Variants in KMT2B observed in about 807,000 individuals in gnomAD.
KMT2B encodes the protein histone-lysine N-methyltransferase 2B.
Under a neutral mutation model 255.3 loss-of-function variants are expected in KMT2B, and 22 were observed. The observed-to-expected ratio is 0.09, with a 90% confidence interval of 0.06 to 0.12. The LOEUF (loss-of-function observed/expected upper bound fraction) is 0.12, where lower values mean the gene tolerates loss of function less well. KMT2B is among the 10% of genes least tolerant of loss of function. The pLI, the probability that KMT2B is intolerant of heterozygous loss-of-function variation, is 1.00. For missense variants in KMT2B, 3,149 were observed against 3,737.0 expected (o/e 0.84, Z 4.10); for synonymous variants, 1,730 against 1,498.1 (o/e 1.15, Z -3.57).
In KMT2B at chr19:35,738,350, C is replaced by T. The variant is rs1474911833; in HGVS notation, c.7941C>T (p.Ala2647=). Residue 2647 remains alanine, a synonymous_variant, in exon 37 of 37, where the codon GCC becomes GCT. Transcript: ENST00000420124. The surrounding 1 kb of genome is among the most constrained non-coding windows in gnomAD (Gnocchi z 8.7). ...TGGACGCCACGATGCATGGCAATGC[C>T]GCCCGCTTCATCAACCACTCCTGTG... ...DVVDATMHGN[A]ARFINHSCEP... is the part of the protein sequence containing the mutation. The T allele has an allele frequency of 1.5e-5, 25 of 1,613,850 alleles. No individual in the cohort carries two copies. The Admixed American group carries it at 2.0e-4, about 13-fold the overall frequency.
In KMT2B at chr19:35,720,844, C is replaced by T; in HGVS notation, c.1497C>T (p.Pro499=). The change falls in exon 3 of 37, where the codon CCC becomes CCT. Residue 499 remains proline (P), a synonymous_variant. Coordinates refer to ENST00000420124, the MANE Select transcript of KMT2B (RefSeq NM_014727.3). ...GCACCTCTCCTCCCACTCCAACCCC[C>T]AGCACCGCCACGGGAGGCCCTCCGG... is the stretch of plus-strand genomic sequence containing the variant. The part of the protein sequence containing the change: ...PEGTSPPTPT[P]STATGGPPED... The T allele has an allele frequency of 1.3e-6, 2 of 1,563,856 alleles. No homozygotes were observed. The highest frequency in any genetic ancestry group is 1.2e-5 in the South Asian group (1 of 84,144).
Position 35,725,855 on chromosome 19 carries a change from A to G in KMT2B, c.3885+37A>G, listed in dbSNP as rs773604085. The G allele has an allele frequency of 4.6e-6, 7 of 1,509,564 alleles. No homozygotes were observed. The East Asian group carries it at 1.7e-4, about 37-fold the overall frequency. The allele number at this position is 1,509,564 out of a possible 1,614,324, so 93.5% of individuals were successfully genotyped here. On this transcript the variant is annotated intron_variant, in intron 13 of 36. Transcript: ENST00000420124. This position sits in a 1 kb window ranked among gnomAD's most constrained non-coding sequence, Gnocchi z 4.1. Reference sequence around the variant, plus strand: ...GGTTCACCCACTTGCTTTGTCTCTAATGAATATCACCACCACCCCCAAACT... The same window carrying G: ...GGTTCACCCACTTGCTTTGTCTCTAGTGAATATCACCACCACCCCCAAACT...
chr19:35,729,634 TACA>T (rs2146460707), intron 22 of KMT2B, among the ~76,000 whole-genome samples: 1 of 152,120 alleles, frequency 6.6e-6, no homozygotes, highest in East Asian at 1.9e-4. Context: ...CTGGGCCAGG[TACA>T]GAGAGACCTC....
Position 35,728,879 on chromosome 19 carries a change from T to C in KMT2B, c.4677T>C (p.Asp1559=), listed in dbSNP as rs1418548257. 1 of 1,613,632 alleles carries C rather than the reference T, an allele frequency of 6.2e-7. No individual in the cohort carries two copies. Among genetic ancestry groups the C allele is most frequent in the East Asian group, 2.2e-5 (1 of 44,886 alleles). The change falls in exon 20 of 37, where the codon GAT becomes GAC. Residue 1559 remains aspartate (D), a synonymous_variant. Transcript: ENST00000420124. ...ETPESGQPPG[D]PSAAFQGKDP... ...CAGAATCAGGGCAGCCTCCAGGGGA[T>C]CCCTCAGCAGGTACTGGGAAGTGGG...
Position 35,733,228 on chromosome 19 carries a change from A to G in KMT2B, c.6679A>G (p.Thr2227Ala). Reference protein sequence around the residue: ...QPPLPPTISPTAPTSWTLPPG... With the variant: ...QPPLPPTISPAAPTSWTLPPG... ...ACCTTTGCCCCCCACCATTTCCCCC[A>G]CGGCTCCCACCTCCTGGACTCTGCC... is the stretch of plus-strand genomic sequence containing the variant. The change falls in exon 28 of 37, where the codon ACG becomes GCG. Residue 2227 changes from threonine (T) to alanine (A), a missense_variant. Physicochemically the swap from Thr to Ala is moderately conservative, Grantham distance 58. Coordinates refer to ENST00000420124, the MANE Select transcript of KMT2B (RefSeq NM_014727.3). This position sits in a 1 kb window ranked among gnomAD's most constrained non-coding sequence, Gnocchi z 4.3. The G allele has an allele frequency of 1.7e-6, 2 of 1,205,660 alleles. No homozygotes were observed. The highest frequency in any genetic ancestry group is 2.2e-6 in the Non-Finnish European group (2 of 926,504). The allele number at this position is 1,205,660 out of a possible 1,614,324, so 74.7% of individuals were successfully genotyped here. A position where few individuals can be genotyped will look rare whatever the true frequency, so the allele number is the denominator to read the frequency against.
rs764904668 is a variant in KMT2B, at chr19:35,732,992, C to G, written c.6443C>G (p.Pro2148Arg). The change falls in exon 28 of 37, where the codon CCC becomes CGC. Residue 2148 changes from proline (P) to arginine (R), a missense_variant. Transcript: ENST00000420124. The stretch of plus-strand genomic sequence containing the variant: ...CCTCCCCTGGCTAATGGCAGCCAGC[C>G]CTCCCAAGGCCTGACCGCCAGCCCA... ...PAPPLANGSQ[P>R]SQGLTASPAD... 18 of 1,599,320 alleles carry G rather than the reference C, an allele frequency of 1.1e-5. No individual in the cohort carries two copies. In the Admixed American group the frequency reaches 3.1e-4, roughly 27 times the overall value.
rs921345789 is a variant in KMT2B, at chr19:35,728,002, A to T, written c.4497+17A>T. On this transcript the variant is annotated intron_variant, in intron 18 of 36. Transcript: ENST00000420124. ...CTGCTGAAGGTGAGCTCTTCCGGGGATGCTTGTGGGGTGGGGGAGTGGGAC... is the reference window on the plus strand; with the variant it reads ...CTGCTGAAGGTGAGCTCTTCCGGGGTTGCTTGTGGGGTGGGGGAGTGGGAC... The T allele has an allele frequency of 3.9e-6, 6 of 1,550,690 alleles. No homozygotes were observed. In the Admixed American group the frequency reaches 1.2e-4, roughly 30 times the overall value.
At position 35,732,057 on chromosome 19, in the gene KMT2B, G is replaced by A; in HGVS notation, c.5587G>A (p.Ala1863Thr). The change falls in exon 27 of 37, where the codon GCT (alanine) becomes ACT (threonine). Residue 1863 changes from alanine to threonine, a missense_variant. Physicochemically the swap from Ala to Thr is moderately conservative, Grantham distance 58 (BLOSUM62 0). Around this residue, in one of 18 missense-constraint regions of KMT2B, gnomAD observed 897 missense variants for 825.3 expected, o/e 1.09. Transcript: ENST00000420124. Reference sequence around the variant, plus strand: ...TCCAGCCCCCCGTTCTTTTTCGGGGGCTCGAATCAAAGTGCCCAACTACTC... The same window carrying A: ...TCCAGCCCCCCGTTCTTTTTCGGGGACTCGAATCAAAGTGCCCAACTACTC... ...PPPAPRSFSG[A>T]RIKVPNYSPS... 2 of 1,611,504 alleles carry A rather than the reference G, an allele frequency of 1.2e-6. No individual in the cohort carries two copies. The highest frequency in any genetic ancestry group is 1.7e-6 in the Non-Finnish European group (2 of 1,178,942).
In KMT2B at chr19:35,728,827, A is replaced by G. The variant is rs1194036427; in HGVS notation, c.4625A>G (p.Gln1542Arg). 1 of 1,613,926 alleles carries G rather than the reference A, an allele frequency of 6.2e-7. No homozygotes were observed. ...CCATCCCTGGATCATGTCTATGCGC[A>G]GTGGAGACAGCAGGAACCAGAGACC... The part of the protein sequence containing the change: ...LPPSLDHVYA[Q>R]WRQQEPETPE... The change falls in exon 20 of 37, where the codon CAG becomes CGG. Residue 1542 changes from glutamine to arginine, a missense_variant. This residue lies in a region of KMT2B where 377 missense variants were observed against 471.0 expected (regional missense o/e 0.80). Transcript: ENST00000420124.
rs1263934398 is a variant in KMT2B at position 35,721,487 on chromosome 19, C to G, written c.2140C>G (p.Pro714Ala). The change falls in exon 3 of 37, where the codon CCT becomes GCT. Residue 714 changes from proline (P) to alanine (A), a missense_variant. Physicochemically the swap from Pro to Ala is conservative, Grantham distance 27 (BLOSUM62 -1). This residue lies in a region of KMT2B where 1,188 missense variants were observed against 1,106.4 expected (regional missense o/e 1.07). Transcript: ENST00000420124. ...TCGATTCGCCCCTGTGGTCACCACTCCTGTTAAGGCCGAGGTGTCCCCTCA... is the reference window on the plus strand; with the variant it reads ...TCGATTCGCCCCTGTGGTCACCACTGCTGTTAAGGCCGAGGTGTCCCCTCA... ...LPRFAPVVTTPVKAEVSPHGA... is the reference protein window; with the variant it reads ...LPRFAPVVTTAVKAEVSPHGA... The G allele has an allele frequency of 6.2e-7, 1 of 1,612,624 alleles. No individual in the cohort carries two copies.
rs1599696276 is a variant in KMT2B, at chr19:35,733,237, A to G, written c.6688A>G (p.Thr2230Ala). 4.8e-6 allele frequency: 6 copies of G among 1,242,288 alleles called. No homozygotes were observed. The African/African-American group carries it at 1.2e-4, about 24-fold the overall frequency. 77.0% of individuals were successfully genotyped at this position (1,242,288 alleles called of 1,614,324 possible). ...CCCCACCATTTCCCCCACGGCTCCC[A>G]CCTCCTGGACTCTGCCCCCAGGCCC... ...LPPTISPTAPTSWTLPPGPLL... is the reference protein window; with the variant it reads ...LPPTISPTAPASWTLPPGPLL... Residue 2230 changes from threonine (T) to alanine (A), a missense_variant, in exon 28 of 37, where the codon ACC becomes GCC. Physicochemically the swap from Thr to Ala is moderately conservative, Grantham distance 58. Transcript: ENST00000420124. The surrounding 1 kb of genome is among the most constrained non-coding windows in gnomAD (Gnocchi z 4.3).
chr19:35,732,014 T>C lies in KMT2B; in HGVS notation c.5544T>C (p.Asp1848=), dbSNP rs1486269276. The C allele has an allele frequency of 6.2e-7, 1 of 1,613,654 alleles. No individual in the cohort carries two copies. Among genetic ancestry groups the C allele is most frequent in the Non-Finnish European group, 8.5e-7 (1 of 1,179,776 alleles). ...IQNLDPPLRP[D]SGSAPPPAPR... ...ACCTGGACCCTCCACTGCGGCCAGA[T>C]TCAGGCAGCGCCCCTCCTCCAGCCC... The change falls in exon 27 of 37, where the codon GAT becomes GAC. Residue 1848 remains aspartate, a synonymous_variant. Coordinates refer to ENST00000420124, the MANE Select transcript of KMT2B (RefSeq NM_014727.3).
rs770392546 is a variant in KMT2B, at chr19:35,720,185, A to G, written c.838A>G (p.Arg280Gly). 1 of 1,606,226 alleles carries G rather than the reference A, an allele frequency of 6.2e-7. No individual in the cohort carries two copies. Among genetic ancestry groups the G allele is most frequent in the African/African-American group, 1.3e-5 (1 of 74,780 alleles). The change falls in exon 3 of 37, where the codon AGG becomes GGG. Residue 280 changes from arginine to glycine, a missense_variant. This residue lies in a region of KMT2B where 1,188 missense variants were observed against 1,106.4 expected (regional missense o/e 1.07). Transcript: ENST00000420124. Reference protein sequence around the residue: ...EGPGPGPGTPRRGGQSSRGGR... With the variant: ...EGPGPGPGTPGRGGQSSRGGR... ...GCCCGGTCCAGGACCTGGGACCCCC[A>G]GGCGTGGAGGACAGTCAAGCCGTGG...
Position 35,733,064 on chromosome 19 carries a change from T to C in KMT2B, c.6515T>C (p.Val2172Ala), listed in dbSNP as rs1351153058. 5 of 1,575,752 alleles carry C rather than the reference T, an allele frequency of 3.2e-6. No homozygotes were observed. The highest frequency in any genetic ancestry group is 4.3e-6 in the Non-Finnish European group (5 of 1,161,130). The change falls in exon 28 of 37, where the codon GTC becomes GCC. Residue 2172 changes from valine (V) to alanine (A), a missense_variant. Transcript: ENST00000420124. The surrounding 1 kb of genome is among the most constrained non-coding windows in gnomAD (Gnocchi z 4.3). ...TFAWLPGAPG[V>A]RVLSLGPAPE... ...GCCTGGCTCCCAGGGGCCCCAGGGGTCCGGGTGTTAAGCCTTGGCCCTGCC... is the reference window on the plus strand; with the variant it reads ...GCCTGGCTCCCAGGGGCCCCAGGGGCCCGGGTGTTAAGCCTTGGCCCTGCC...
chr19:35,724,882 T>C, intron 9 of KMT2B, 107 bp from the exon 10 acceptor site: 2 of 1,127,410 alleles, frequency 1.8e-6, no homozygotes, highest in Non-Finnish European at 2.6e-6. Context: ...AGCAAAGGGG[T>C]CTGGATCAGG....
chr19:35,718,166 G>T lies in KMT2B; in HGVS notation c.148G>T (p.Gly50Cys), dbSNP rs1235169708. ...AERVRVALRR[G>C]GGATGPGGAE... ...AAGAGTGCGGGTAGCTCTGCGGCGC[G>T]GCGGTGGCGCGACGGGGCCGGGCGG... The change falls in exon 1 of 37, where the codon GGC becomes TGC. Residue 50 changes from glycine (G) to cysteine (C), a missense_variant. By Grantham distance (159) the Gly-to-Cys change is radical. This residue lies in a region of KMT2B where 1,188 missense variants were observed against 1,106.4 expected (regional missense o/e 1.07). Coordinates refer to ENST00000420124, the MANE Select transcript of KMT2B (RefSeq NM_014727.3). The surrounding 1 kb of genome is among the most constrained non-coding windows in gnomAD (Gnocchi z 5.0). The T allele has an allele frequency of 4.9e-5, 53 of 1,083,542 alleles. No individual in the cohort carries two copies. Among genetic ancestry groups the T allele is most frequent in the Non-Finnish European group, 5.6e-5 (50 of 894,506 alleles). 67.1% of individuals were successfully genotyped at this position (1,083,542 alleles called of 1,614,324 possible). A position where few individuals can be genotyped will look rare whatever the true frequency, so the allele number is the denominator to read the frequency against.
At position 35,730,807 on chromosome 19, in the gene KMT2B, G is replaced by A; in HGVS notation, c.5377G>A (p.Ala1793Thr). Reference protein sequence around the residue: ...YRPWGPREEPAHLEAAEENQT... With the variant: ...YRPWGPREEPTHLEAAEENQT... ...GCCATGGGGGCCGAGGGAAGAGCCA[G>A]CTCACCTGGAGGCTGCAGAGGAGAA... Residue 1793 changes from alanine (A) to threonine (T), a missense_variant, in exon 26 of 37, where the codon GCT becomes ACT. By Grantham distance (58) the Ala-to-Thr change is moderately conservative. This residue lies in a region of KMT2B where 34 missense variants were observed against 51.6 expected (regional missense o/e 0.66). Coordinates refer to ENST00000420124, the MANE Select transcript of KMT2B (RefSeq NM_014727.3). 1 of 1,613,682 alleles carries A rather than the reference G, an allele frequency of 6.2e-7. No homozygotes were observed. Among genetic ancestry groups the A allele is most frequent in the South Asian group, 1.1e-5 (1 of 91,084 alleles).
intron 9 of KMT2B, 25 bp downstream of exon 9, chr19:35,724,756 C>T: frequency 1.3e-6 from 2 of 1,551,396 alleles, no homozygotes; most frequent in Non-Finnish European, 1.7e-6. Flanking sequence ...CTCCGAGAGC[C>T]CCTTCCCTCC....
In KMT2B at chr19:35,732,264, C is replaced by G; in HGVS notation, c.5715C>G (p.Asp1905Glu). The change falls in exon 28 of 37, where the codon GAC becomes GAG. Residue 1905 changes from aspartate (D) to glutamate (E), a missense_variant. By Grantham distance (45) the Asp-to-Glu change is conservative. Transcript: ENST00000420124. ...THHIPTVGDP[D>E]FPAPPRRSRR... ...ACATCCCCACAGTGGGAGACCCGGA[C>G]TTCCCAGCTCCCCCCAGACGTTCCC... The G allele has an allele frequency of 6.2e-7, 1 of 1,607,898 alleles. No individual in the cohort carries two copies. Among genetic ancestry groups the G allele is most frequent in the Non-Finnish European group, 8.5e-7 (1 of 1,176,780 alleles).
Sources: allele counts gnomAD v4.1 joint callset (sites outside exome capture counted in the v4.1 genomes callset), GRCh38; gene constraint gnomAD v4.1.1; regional missense constraint gnomAD v4.1.1; non-coding constraint Gnocchi (gnomAD v3.1); transcripts MANE v1.5; gene names NCBI Gene and HGNC (gene_info 2026-07-23, HGNC 2026-07-21).